The following IL1RAPL2 variants were observed in gnomAD, a reference collection of about 807,000 sequenced individuals.
IL1RAPL2 encodes the protein X-linked interleukin-1 receptor accessory protein-like 2.
IL1RAPL2 carries 3 observed loss-of-function variants against 44.1 expected under a neutral mutation model. That is an observed-to-expected ratio of 0.07 (90% CI 0.03 to 0.18). The LOEUF is 0.18. IL1RAPL2 is among the 10% of genes least tolerant of loss of function. The pLI is 1.00. For synonymous variants in IL1RAPL2, 181 were observed against 178.8 expected, an observed-to-expected ratio of 1.01 and a Z score of -0.10; for missense variants, 391 against 496.4, an observed-to-expected ratio of 0.79 and a Z score of 2.02.
intron 6 of IL1RAPL2, among the ~76,000 whole-genome samples, chrX:105,525,191 G>T (rs1011412480): frequency 9.0e-6 from 1 of 110,828 alleles, no homozygotes; most frequent in Admixed American, 9.6e-5. Flanking sequence ...CCTTTTTAGA[G>T]TAAGGGATAT....
chrX:104,907,874 C>T (rs999657123), intron 2 of IL1RAPL2, among the ~76,000 whole-genome samples: 1 of 109,495 alleles, frequency 9.1e-6, no homozygotes, highest in Non-Finnish European at 1.9e-5. Context: ...CTTTCTGTCT[C>T]GTTGATCTGT....
intron 6 of IL1RAPL2, among the ~76,000 whole-genome samples, chrX:105,661,409 C>T (rs1461561283): frequency 8.9e-6 from 1 of 111,921 alleles, no homozygotes; most frequent in Non-Finnish European, 1.9e-5. Context: ...TTAATCTGTA[C>T]TATAGACCAA....
At chrX:104,791,033 C>A (rs946096269) in intron 2 of IL1RAPL2, among the ~76,000 whole-genome samples, 6 of 111,625 alleles carry the variant, frequency 5.4e-5, no homozygotes, top group African/African-American at 2.0e-4. Context: ...GTACTACTAG[C>A]ATTCCCATTT....
chrX:104,870,929 G>A (rs1177426951), intron 2 of IL1RAPL2, among the ~76,000 whole-genome samples: 1 of 110,994 alleles, frequency 9.0e-6, no homozygotes. Context: ...TGACACCAGG[G>A]TCCTGAGTTC....
intron 6 of IL1RAPL2, among the ~76,000 whole-genome samples, chrX:105,692,449 G>A (rs1333127827): frequency 9.0e-6 from 1 of 111,517 alleles, no homozygotes; most frequent in African/African-American, 3.3e-5. Context: ...AAATGCAGAA[G>A]CTAAATTTCC....
At chrX:104,626,073 G>T (rs1374265262) in intron 1 of IL1RAPL2, among the ~76,000 whole-genome samples, 1 of 110,702 alleles carries the variant, frequency 9.0e-6, no homozygotes, top group Non-Finnish European at 1.9e-5. Flanking sequence ...GTGCTAGATT[G>T]GGTCTCTGAT....
intron 5 of IL1RAPL2, among the ~76,000 whole-genome samples, chrX:105,438,152 C>T (rs5962285): frequency 0.029 from 3,281 of 111,855 alleles, 129 homozygotes; most frequent in African/African-American, 0.1. Flanking sequence ...CTTCCCAACT[C>T]TGAACAACTT....
At chrX:105,646,431 A>G (rs757223359) in intron 6 of IL1RAPL2, among the ~76,000 whole-genome samples, 1 of 112,049 alleles carries the variant, frequency 8.9e-6, no homozygotes, top group African/African-American at 3.2e-5. Flanking sequence ...TAGCCGTTTT[A>G]GGAGCCATTT....
chrX:105,115,768 CG>C (rs2032851282), intron 2 of IL1RAPL2, among the ~76,000 whole-genome samples: 1 of 113,040 alleles, frequency 8.8e-6, no homozygotes, highest in African/African-American at 3.2e-5. Context: ...AGCCCTTGGG[CG>C]GTTGATGGGA....
chrX:105,041,151 A>C (rs186202086), intron 2 of IL1RAPL2, among the ~76,000 whole-genome samples: 1,248 of 109,985 alleles, frequency 0.011, 12 homozygotes, highest in Non-Finnish European at 0.018. Context: ...GTAGTCATTC[A>C]GGAGCAGGTT....
chrX:104,785,535 T>C (rs1039470083), intron 2 of IL1RAPL2, among the ~76,000 whole-genome samples: 1 of 111,565 alleles, frequency 9.0e-6, no homozygotes, highest in African/African-American at 3.3e-5. Context: ...GTCTATCTTC[T>C]CCCTCCTTAT....
chrX:105,578,327 T>C (rs966961195), intron 6 of IL1RAPL2, among the ~76,000 whole-genome samples: 2 of 110,665 alleles, frequency 1.8e-5, no homozygotes, highest in African/African-American at 6.6e-5. Context: ...TTAAGTGATA[T>C]GTCAAACATA....
intron 2 of IL1RAPL2, among the ~76,000 whole-genome samples, chrX:104,721,523 C>A (rs1342008543): frequency 9.1e-6 from 1 of 110,202 alleles, no homozygotes. Context: ...ACATTGGGGC[C>A]TCTTGGCAGG....
At chrX:104,678,891 G>A (rs1336435383) in intron 2 of IL1RAPL2, among the ~76,000 whole-genome samples, 2 of 110,860 alleles carry the variant, frequency 1.8e-5, no homozygotes, top group Non-Finnish European at 3.8e-5. Context: ...GTCGATGGGT[G>A]CAGCAAACCA....
At chrX:105,509,024 A>G (rs763249558) in intron 6 of IL1RAPL2, among the ~76,000 whole-genome samples, 6 of 111,558 alleles carry the variant, frequency 5.4e-5, no homozygotes, top group Non-Finnish European at 9.4e-5. Context: ...CATTTAACAG[A>G]TATTTATTGA....
At chrX:104,658,321 T>C (rs1463944284) in intron 1 of IL1RAPL2, among the ~76,000 whole-genome samples, 1 of 111,811 alleles carries the variant, frequency 8.9e-6, no homozygotes, top group African/African-American at 3.2e-5. Context: ...TGTAGGGACA[T>C]GGATGAAGCT....
chrX:105,635,894 G>A (rs909891618), intron 6 of IL1RAPL2, among the ~76,000 whole-genome samples: 2 of 111,523 alleles, frequency 1.8e-5, no homozygotes, highest in African/African-American at 3.3e-5. Context: ...CTAGAAGGGA[G>A]AGGACAGATA....
At chrX:104,585,329 ATATATATTATATAT>A (rs1357493366) in intron 1 of IL1RAPL2, among the ~76,000 whole-genome samples, 1 of 11,546 alleles carries the variant, frequency 8.7e-5, no homozygotes, top group South Asian at 2.2e-3. Context: ...ATTATATATA[ATATATATTATATAT>A]TATATATATT....
chrX:105,457,057 C>CAT (rs1399996693), intron 5 of IL1RAPL2, among the ~76,000 whole-genome samples: 8 of 108,452 alleles, frequency 7.4e-5, no homozygotes, highest in African/African-American at 2.4e-4. Context: ...CACACACACA[C>CAT]ACACACACAC....
Sources: gnomAD v4.1 joint callset for allele counts (sites outside exome capture counted in the v4.1 genomes callset) on GRCh38, gnomAD v4.1.1 for gene constraint, MANE v1.5 for transcripts, NCBI Gene and HGNC (gene_info 2026-07-23, HGNC 2026-07-21) for gene names.